The following MITD1 variants were observed in gnomAD, a reference collection of about 807,000 sequenced individuals.
MITD1 encodes the protein MIT domain-containing protein 1.
In MITD1, 24 loss-of-function variants were observed where a neutral mutation model predicts 34.9. The ratio of observed to expected loss-of-function variants is 0.69; its 90% CI spans 0.50 to 0.97. The LOEUF (loss-of-function observed/expected upper bound fraction) is 0.97, where lower values mean the gene tolerates loss of function less well. Ranked by LOEUF, MITD1 falls within the 50% of genes least tolerant of loss-of-function variation. The pLI is 0.00. For synonymous variants in MITD1, 102 were observed against 101.4 expected, an observed-to-expected ratio of 1.01 and a Z score of -0.04; for missense variants, 266 against 294.6, an observed-to-expected ratio of 0.90 and a Z score of 0.71.
chr2:99,162,619 C>T, intron 7 of MITD1: 2 of 1,614,138 alleles, frequency 1.2e-6, no homozygotes, highest in Non-Finnish European at 1.7e-6. Context: ...AAGGATCCCA[C>T]TCTGACCTGT....
At chr2:99,167,437 T>C (rs1045567647), downstream of MITD1, among the ~76,000 whole-genome samples, 1 of 152,224 alleles carries the variant, frequency 6.6e-6, no homozygotes, top group South Asian at 2.1e-4. Flanking sequence ...GATCTGGGGA[T>C]AGAACTCCAA....
Position 99,170,668 on chromosome 2 carries a change from A to C in MITD1, c.478-16T>G. 1 of 1,230,956 alleles carries C rather than the reference A, an allele frequency of 8.1e-7. No homozygotes were observed. Among genetic ancestry groups the C allele is most frequent in the South Asian group, 1.2e-5 (1 of 81,862 alleles). The allele number at this position is 1,230,956 out of a possible 1,614,324, so 76.3% of individuals were successfully genotyped here. A position where few individuals can be genotyped will look rare whatever the true frequency, so the allele number is the denominator to read the frequency against. ...GCTCAATGCCCTGTTAATAGCAAAA[A>C]TACGATTATCTGCCGCAGTTATTAT... On this transcript the variant is annotated splice_polypyrimidine_tract_variant and intron_variant, in intron 4 of 6. Transcript: ENST00000289359.
At chr2:99,163,527 T>C (rs1258647473) in intron 7 of MITD1, among the ~76,000 whole-genome samples, 3 of 152,104 alleles carry the variant, frequency 2.0e-5, no homozygotes, top group Non-Finnish European at 4.4e-5. Context: ...AGGGTTTCAC[T>C]GTGTTGGCCA....
At position 99,173,952 on chromosome 2, in the gene MITD1, CG is replaced by C; in HGVS notation, c.215del (p.Ala72GlyfsTer4). On this transcript the variant is annotated frameshift_variant, in exon 2 of 7. Transcript: ENST00000289359. LOFTEE classifies it high-confidence loss of function. ...REKISKYMDR[A>X]ENIKKYLDQE... ...GGTCCAAGTACTTCTTTATGTTTTC[CG>C]CTCTGTCCATGTATTTGGAAATTTT... The C allele has an allele frequency of 6.2e-7, 1 of 1,609,802 alleles. No individual in the cohort carries two copies. Among genetic ancestry groups the C allele is most frequent in the Non-Finnish European group, 8.5e-7 (1 of 1,176,676 alleles).
At chr2:99,172,458 A>G (rs2072933348) in intron 2 of MITD1, 1 of 152,176 alleles carries the variant, frequency 6.6e-6, no homozygotes, top group South Asian at 2.1e-4. Flanking sequence ...ACAGTTTTAA[A>G]CAGAAATTTA....
chr2:99,162,488 T>C, intron 7 of MITD1: 4 of 1,614,164 alleles, frequency 2.5e-6, no homozygotes, highest in Non-Finnish European at 3.4e-6. Context: ...CCTATCACCA[T>C]TGCACTTTAT....
downstream of MITD1, chr2:99,161,892 T>C: frequency 7.3e-7 from 1 of 1,364,978 alleles, no homozygotes; most frequent in East Asian, 2.3e-5. Flanking sequence ...AATTGATAGT[T>C]AGAAAATAGA....
chr2:99,171,515 G>C lies in MITD1; in HGVS notation c.385C>G (p.His129Asp), dbSNP rs781103286. ...ATTTTAGTATGTTCACATACCTGAT[G>C]AGTATGTCTAATATAAGGATCTTCT... Reference protein sequence around the residue: ...WIEDPYIRHTHQLYNFLRFCE... With the variant: ...WIEDPYIRHTDQLYNFLRFCE... The change falls in exon 3 of 7, where the codon CAT becomes GAT. Residue 129 changes from histidine to aspartate, a missense_variant. Coordinates refer to ENST00000289359, the MANE Select transcript of MITD1 (RefSeq NM_138798.3). 6.2e-7 allele frequency: 1 copy of C among 1,603,578 alleles called. No homozygotes were observed. The highest frequency in any genetic ancestry group is 1.1e-5 in the South Asian group (1 of 90,728).
chr2:99,180,948 T>C lies in MITD1; in HGVS notation c.34A>G (p.Ser12Gly). The change falls in exon 1 of 7, where the codon AGC becomes GGC. Residue 12 changes from serine to glycine, a missense_variant. Physicochemically the swap from Ser to Gly is moderately conservative, Grantham distance 56 (BLOSUM62 0). Coordinates refer to ENST00000289359, the MANE Select transcript of MITD1 (RefSeq NM_138798.3). ...TTTAGCACAGTGGCTGCAGCTGTGC[T>C]CTGCGGGTCCTGCCTCAGCCCGGAC... Reference protein sequence around the residue: ...AKSGLRQDPQSTAAATVLKRA... With the variant: ...AKSGLRQDPQGTAAATVLKRA... 6.2e-7 allele frequency: 1 copy of C among 1,614,066 alleles called. No individual in the cohort carries two copies.
At chr2:99,163,694 G>A (rs1231274319) in intron 7 of MITD1, among the ~76,000 whole-genome samples, 1 of 151,882 alleles carries the variant, frequency 6.6e-6, no homozygotes, top group African/African-American at 2.4e-5. Context: ...CTCTCTTGGG[G>A]CTATATATAA....
intron 1 of MITD1, among the ~76,000 whole-genome samples, chr2:99,180,274 G>T (rs1438228394): frequency 1.3e-5 from 2 of 152,004 alleles, no homozygotes; most frequent in African/African-American, 4.8e-5. Flanking sequence ...AAAAATAATC[G>T]TATAATAAAC....
chr2:99,176,450 G>A (rs989404349), intron 1 of MITD1, among the ~76,000 whole-genome samples: 29 of 151,678 alleles, frequency 1.9e-4, no homozygotes, highest in African/African-American at 3.1e-4. Context: ...CTCAGCCTCC[G>A]GAGTAGCTGG....
chr2:99,171,030 C>T (rs1165906763), intron 4 of MITD1: 9 of 290,496 alleles, frequency 3.1e-5, no homozygotes, highest in Non-Finnish European at 4.6e-5. Flanking sequence ...TGCTACCATC[C>T]CCCAGATATA....
downstream of MITD1, among the ~76,000 whole-genome samples, chr2:99,164,982 G>C (rs2093819847): frequency 6.6e-6 from 1 of 150,464 alleles, no homozygotes; most frequent in Non-Finnish European, 1.5e-5. Flanking sequence ...CTTTCTGAAT[G>C]TTTGCATATG....
At chr2:99,179,795 TC>T (rs2093906038) in intron 1 of MITD1, among the ~76,000 whole-genome samples, 1 of 152,110 alleles carries the variant, frequency 6.6e-6, no homozygotes, top group African/African-American at 2.4e-5. Flanking sequence ...TCTCTTGACC[TC>T]ATGATCCACC....
Position 99,169,442 on chromosome 2 carries a change from A to C in MITD1, c.683T>G (p.Phe228Cys). The change falls in exon 7 of 7, where the codon TTT becomes TGT. Residue 228 changes from phenylalanine to cysteine, a missense_variant. By Grantham distance (205) the Phe-to-Cys change is radical (BLOSUM62 -2). Coordinates refer to ENST00000289359, the MANE Select transcript of MITD1 (RefSeq NM_138798.3). ...TGTTTCATGACATGGTCTTAAATCA[A>C]AATCACAATATCCAAGGGAAAAACG... ...QSRFSLGYCD[F>C]DLRPCHETTV... The C allele has an allele frequency of 6.2e-7, 1 of 1,608,682 alleles. No homozygotes were observed. The highest frequency in any genetic ancestry group is 8.5e-7 in the Non-Finnish European group (1 of 1,177,200).
intron 7 of MITD1, chr2:99,162,367 T>C (rs752632750): frequency 6.2e-7 from 1 of 1,614,024 alleles, no homozygotes; most frequent in Non-Finnish European, 8.5e-7. Flanking sequence ...GTGAGAGCTC[T>C]GAATGCTGTC....
chr2:99,180,943 T>G lies in MITD1; in HGVS notation c.39A>C (p.Thr13=), dbSNP rs1386234941. ...KSGLRQDPQS[T]AAATVLKRAV... is the part of the protein sequence containing the mutation. ...CCCGCTTTAGCACAGTGGCTGCAGC[T>G]GTGCTCTGCGGGTCCTGCCTCAGCC... The change falls in exon 1 of 7, where the codon ACA becomes ACC. Residue 13 remains threonine (T), a synonymous_variant. Transcript: ENST00000289359. The G allele has an allele frequency of 5.0e-6, 8 of 1,614,100 alleles. No individual in the cohort carries two copies. The South Asian group carries it at 8.8e-5, about 18-fold the overall frequency.
chr2:99,163,627 C>G (rs1190535746), intron 7 of MITD1, among the ~76,000 whole-genome samples: 1 of 152,146 alleles, frequency 6.6e-6, no homozygotes, highest in Non-Finnish European at 1.5e-5. Context: ...CATGCCCTGT[C>G]TGTTCATTGA....
Sources: allele counts gnomAD v4.1 joint callset (sites outside exome capture counted in the v4.1 genomes callset), GRCh38; gene constraint gnomAD v4.1.1; transcripts MANE v1.5; gene names NCBI Gene and HGNC (gene_info 2026-07-23, HGNC 2026-07-21).